The following SLC5A12 variants were observed in gnomAD, a reference collection of about 807,000 sequenced individuals.
SLC5A12 encodes sodium-coupled monocarboxylate transporter 2.
A neutral mutation model predicts 72.7 loss-of-function variants in SLC5A12; 46 were observed. The ratio of observed to expected loss-of-function variants is 0.63; its 90% CI spans 0.50 to 0.81. The LOEUF is 0.81. Among genes scored for constraint, SLC5A12 ranks in the 30% least tolerant of loss-of-function variants. SLC5A12 has a pLI of 0.00. For synonymous variants in SLC5A12, 275 were observed against 264.4 expected (o/e 1.04, Z -0.39); for missense variants, 683 against 740.7 (o/e 0.92, Z 0.90).
At chr11:26,684,383 T>C (rs1206699829) in intron 10 of SLC5A12, among the ~76,000 whole-genome samples, 1 of 152,148 alleles carries the variant, frequency 6.6e-6, no homozygotes, top group African/African-American at 2.4e-5. Context: ...TAGCATTAAT[T>C]CACAGTTTCT....
At chr11:26,682,044 A>C (rs765022185) in intron 11 of SLC5A12, among the ~76,000 whole-genome samples, 3 of 151,836 alleles carry the variant, frequency 2.0e-5, no homozygotes, top group Non-Finnish European at 4.4e-5. Flanking sequence ...AATTTCTAAT[A>C]TAACAGTCAG....
chr11:26,686,442 G>A (rs1854535580), intron 10 of SLC5A12, 35 bp downstream of exon 10: 1 of 1,607,136 alleles, frequency 6.2e-7, no homozygotes, highest in South Asian at 1.1e-5. Context: ...GGAAGTTCCA[G>A]TGAAACCAAA....
At chr11:26,698,731 C>T (rs941437758) in intron 6 of SLC5A12, among the ~76,000 whole-genome samples, 196 bp from the exon 7 acceptor site, 15 of 151,980 alleles carry the variant, frequency 9.9e-5, no homozygotes, top group African/African-American at 3.6e-4. Flanking sequence ...TTTAGACTCA[C>T]TACCAAATTT....
rs1401214901 is a variant in SLC5A12 at position 26,705,961 on chromosome 11, CACACACACACACACACACTT to C, written c.526-2034_526-2015del. ...ACACACACACACACACACACACACA[CACACACACACACACACACTT>C]ACCTTCTTTAATACTGAGGGTACCT... On this transcript the variant is annotated intron_variant, in intron 4 of 14. Transcript: ENST00000396005. Among the ~76,000 whole-genome samples, 13 of 150,914 alleles carry C rather than the reference CACACACACACACACACACTT, an allele frequency of 8.6e-5. 1 individual carries two copies. Among genetic ancestry groups the C allele is most frequent in the Non-Finnish European group, 1.2e-4 (8 of 67,580 alleles).
intron 3 of SLC5A12, among the ~76,000 whole-genome samples, chr11:26,710,192 T>A (rs1407971924): frequency 6.6e-6 from 1 of 152,168 alleles, no homozygotes; most frequent in East Asian, 1.9e-4. Flanking sequence ...ACAAAGGACA[T>A]GAACTCATCA....
intron 13 of SLC5A12, among the ~76,000 whole-genome samples, chr11:26,676,985 T>G (rs1370060776): frequency 2.0e-5 from 3 of 152,104 alleles, no homozygotes; most frequent in Non-Finnish European, 2.9e-5. Flanking sequence ...CTGTCCTTCC[T>G]TACTGACCCT....
chr11:26,722,283 G>A (rs976094542), upstream of SLC5A12, among the ~76,000 whole-genome samples: 25 of 152,284 alleles, frequency 1.6e-4, no homozygotes, highest in South Asian at 2.1e-4. Context: ...TGGATGTGGA[G>A]AGAAAGAAGC....
chr11:26,695,408 T>A (rs1421558131), intron 8 of SLC5A12, among the ~76,000 whole-genome samples: 1 of 152,156 alleles, frequency 6.6e-6, no homozygotes, highest in South Asian at 2.1e-4. Context: ...TAATTTCTTA[T>A]ATGTATAGTC....
intron 1 of SLC5A12, among the ~76,000 whole-genome samples, chr11:26,716,510 G>T (rs368756137): frequency 6.6e-6 from 1 of 152,114 alleles, no homozygotes; most frequent in East Asian, 1.9e-4. Context: ...CAACAGAGAA[G>T]TTGCATGCTT....
chr11:26,711,538 G>A (rs12576268), intron 2 of SLC5A12, among the ~76,000 whole-genome samples, 180 bp from the exon 3 acceptor site: 41,269 of 151,986 alleles, frequency 0.27, 6,152 homozygotes, highest in East Asian at 0.43. Flanking sequence ...TAGAGGGGAT[G>A]TAATCATTAG....
chr11:26,712,154 A>C (rs7131591), intron 2 of SLC5A12, among the ~76,000 whole-genome samples: 113,754 of 151,890 alleles, frequency 0.75, 48,168 homozygotes, highest in Non-Finnish European at 0.94. Flanking sequence ...CAGCATGAAG[A>C]CATCCCAAAG....
rs1565179581 is a variant in SLC5A12, at chr11:26,669,209, T to TTCTTTCTTTCTTTCTTTCTTTCTTTCTC, written c.*1892_*1893insGAGAAAGAAAGAAAGAAAGAAAGAAAGA. The TTCTTTCTTTCTTTCTTTCTTTCTTTCTC allele has an allele frequency of 1.4e-5, 2 of 139,576 alleles. No homozygotes were observed. The highest frequency in any genetic ancestry group is 4.8e-4 in the South Asian group (2 of 4,138). The allele number at this position is 139,576 out of a possible 1,614,324, so 8.6% of individuals were successfully genotyped here. A position where few individuals can be genotyped will look rare whatever the true frequency, so the allele number is the denominator to read the frequency against. On this transcript the variant is annotated 3_prime_UTR_variant, in exon 15 of 15. Transcript: ENST00000396005. ...TTCTTTTCTTTCTTTCTTTCTTTCTTTCTTTCTTTCTCTCTCTCCCTCCCT... is the reference window on the plus strand; with the variant it reads ...TTCTTTTCTTTCTTTCTTTCTTTCTTTCTTTCTTTCTTTCTTTCTTTCTTTCTCTCTTTCTTTCTCTCTCTCCCTCCCT...
At chr11:26,709,018 A>G (rs1855156672) in intron 4 of SLC5A12, 1 of 250,298 alleles carries the variant, frequency 4.0e-6, no homozygotes, top group Non-Finnish European at 7.7e-6. Context: ...TTTTCTCAGA[A>G]GTAGCATAGG....
intron 13 of SLC5A12, among the ~76,000 whole-genome samples, chr11:26,675,398 C>CAG (rs1429495168): frequency 1.3e-5 from 2 of 152,126 alleles, no homozygotes; most frequent in East Asian, 3.9e-4. Flanking sequence ...ATTCTCAAAC[C>CAG]AGAAGCTCTG....
chr11:26,717,842 G>A (rs1855387095), intron 1 of SLC5A12, among the ~76,000 whole-genome samples: 1 of 152,144 alleles, frequency 6.6e-6, no homozygotes, highest in Admixed American at 6.5e-5. Context: ...TTGGCTAGGT[G>A]TCTCTGTTCT....
chr11:26,686,338 G>T, intron 10 of SLC5A12, 139 bp downstream of exon 10: 1 of 650,500 alleles, frequency 1.5e-6, no homozygotes. Context: ...GATTTTACAT[G>T]CATTTTACAT....
At position 26,698,488 on chromosome 11, in the gene SLC5A12, G is replaced by C; in HGVS notation, c.869C>G (p.Ala290Gly). The C allele has an allele frequency of 6.2e-7, 1 of 1,613,982 alleles. No individual in the cohort carries two copies. Among genetic ancestry groups the C allele is most frequent in the Middle Eastern group, 1.6e-4 (1 of 6,062 alleles). Residue 290 changes from alanine to glycine, a missense_variant, in exon 7 of 15, where the codon GCT (alanine) becomes GGT (glycine). Coordinates refer to ENST00000396005, the MANE Select transcript of SLC5A12 (RefSeq NM_178498.4). The stretch of plus-strand genomic sequence containing the variant: ...GTACATGATTAAGCCAGAGAAGACA[G>C]CACACACCAGAATGATCCAGAGACC... ...LLGLWIILVC[A>G]VFSGLIMYSH... is the part of the protein sequence containing the mutation.
In SLC5A12 at chr11:26,692,502, G is replaced by A. The variant is rs531868855; in HGVS notation, c.1140C>T (p.Ile380=). Reference sequence around the variant, plus strand: ...AGCTGTACCTACATAAGCCTTTACTGATCCAGGTGCTCAGCTTGTCGGAGA... The same window carrying A: ...AGCTGTACCTACATAAGCCTTTACTAATCCAGGTGCTCAGCTTGTCGGAGA... The part of the protein sequence containing the change: ...PHLSDKLSTW[I]SKGLCLLFGV... Residue 380 remains isoleucine, a synonymous_variant, in exon 9 of 15, where the codon ATC becomes ATT. Coordinates refer to ENST00000396005, the MANE Select transcript of SLC5A12 (RefSeq NM_178498.4). 1 of 1,611,296 alleles carries A rather than the reference G, an allele frequency of 6.2e-7. No homozygotes were observed. Among genetic ancestry groups the A allele is most frequent in the South Asian group, 1.1e-5 (1 of 91,022 alleles).
At chr11:26,712,528 A>G (rs1280106506) in intron 2 of SLC5A12, 113 bp downstream of exon 2, 2 of 570,944 alleles carry the variant, frequency 3.5e-6, no homozygotes, top group Non-Finnish European at 5.9e-6. Context: ...GGAAGAAAGT[A>G]GCGTCTTCTT....
Sources: allele counts gnomAD v4.1 joint callset (sites outside exome capture counted in the v4.1 genomes callset), GRCh38; gene constraint gnomAD v4.1.1; transcripts MANE v1.5; gene names NCBI Gene and HGNC (gene_info 2026-07-23, HGNC 2026-07-21).